HIVEP3: variants seen among roughly 807,000 people sequenced by gnomAD.
The protein encoded by HIVEP3 is HIVEP zinc finger 3.
Under a neutral mutation model 152.8 loss-of-function variants are expected in HIVEP3, and 49 were observed. The observed-to-expected ratio is 0.32, with a 90% confidence interval of 0.26 to 0.41. HIVEP3 has a LOEUF of 0.41. HIVEP3 is among the 10% of genes least tolerant of loss of function. HIVEP3 has a pLI of 1.00. For synonymous variants in HIVEP3, 1,269 were observed against 1,289.0 expected, an observed-to-expected ratio of 0.98 and a Z score of 0.33; for missense variants, 2,790 against 3,103.3, an observed-to-expected ratio of 0.90 and a Z score of 2.40.
chr1:41,987,111 A>G (rs562334731), intron 1 of HIVEP3, among the ~76,000 whole-genome samples: 15 of 152,366 alleles, frequency 9.8e-5, no homozygotes, highest in African/African-American at 3.1e-4. Flanking sequence ...CATTGTAGGT[A>G]CCAGGAATGA....
At chr1:41,672,986 C>T (rs895527156) in intron 2 of HIVEP3, among the ~76,000 whole-genome samples, 2 of 152,192 alleles carry the variant, frequency 1.3e-5, no homozygotes, top group Admixed American at 1.3e-4. Context: ...AGGAAATGTA[C>T]CGGGAATATA....
At chr1:41,733,252 AG>A (rs1646868474) in intron 1 of HIVEP3, among the ~76,000 whole-genome samples, 1 of 152,186 alleles carries the variant, frequency 6.6e-6, no homozygotes, top group East Asian at 1.9e-4. Flanking sequence ...TGAGAACACA[AG>A]CAGGGGCAGA....
At chr1:41,740,828 A>G (rs4660558) in intron 1 of HIVEP3, among the ~76,000 whole-genome samples, 59,107 of 152,124 alleles carry the variant, frequency 0.39, 11,622 homozygotes, top group East Asian at 0.47. Flanking sequence ...GTGTGACCCA[A>G]GCAACCCCCT....
At chr1:42,028,284 C>T (rs1446435015) in intron 1 of HIVEP3, among the ~76,000 whole-genome samples, 2 of 152,148 alleles carry the variant, frequency 1.3e-5, no homozygotes, top group Non-Finnish European at 1.5e-5. Flanking sequence ...ATATCACAAA[C>T]ATCTAGAATA....
intron 1 of HIVEP3, among the ~76,000 whole-genome samples, chr1:41,880,112 T>A (rs931952444): frequency 2.6e-5 from 4 of 151,978 alleles, no homozygotes; most frequent in South Asian, 2.1e-4. Context: ...CAAGCTGGAG[T>A]GTAGTGGCGT....
At chr1:41,804,086 T>C (rs1022426907) in intron 1 of HIVEP3, among the ~76,000 whole-genome samples, 8 of 152,244 alleles carry the variant, frequency 5.3e-5, no homozygotes, top group African/African-American at 1.9e-4. Flanking sequence ...GTAGAATGTA[T>C]ATGATCTCAA....
At chr1:42,021,610 T>C (rs890518763) in intron 1 of HIVEP3, among the ~76,000 whole-genome samples, 2 of 152,060 alleles carry the variant, frequency 1.3e-5, no homozygotes, top group Admixed American at 6.6e-5. Context: ...ACTGGAAATA[T>C]AAACTTAGGA....
At chr1:41,944,761 T>TC (rs1280090680) in intron 1 of HIVEP3, among the ~76,000 whole-genome samples, 2 of 152,086 alleles carry the variant, frequency 1.3e-5, no homozygotes, top group Non-Finnish European at 2.9e-5. Context: ...GGAAAAAGCA[T>TC]TAGGACCATA....
At chr1:42,004,484 G>C (rs114794459) in intron 1 of HIVEP3, among the ~76,000 whole-genome samples, 1,586 of 152,220 alleles carry the variant, frequency 0.01, 38 homozygotes, top group African/African-American at 0.037. Flanking sequence ...GTGGGCAGCT[G>C]CAACCTCTCT....
intron 1 of HIVEP3, among the ~76,000 whole-genome samples, chr1:41,975,957 G>T (rs1410014781): frequency 1.3e-5 from 2 of 152,184 alleles, no homozygotes; most frequent in Non-Finnish European, 2.9e-5. Context: ...CACCCAGCCA[G>T]CACTTCCCTA....
intron 1 of HIVEP3, among the ~76,000 whole-genome samples, chr1:41,947,725 G>A (rs1016350542): frequency 1.3e-5 from 2 of 152,214 alleles, no homozygotes; most frequent in Admixed American, 6.5e-5. Context: ...ACACAGGTCC[G>A]AGGGACGAGC....
chr1:41,956,018 C>A (rs898004291), intron 1 of HIVEP3, among the ~76,000 whole-genome samples: 1 of 152,262 alleles, frequency 6.6e-6, no homozygotes, highest in African/African-American at 2.4e-5. Context: ...AGCCGGGACT[C>A]ACTTCCAGCG....
Position 41,873,496 on chromosome 1 carries a change from CTA to C in HIVEP3, c.-801+44915_-801+44916del, listed in dbSNP as rs1292727338. On this transcript the variant is annotated intron_variant, in intron 1 of 8. Coordinates refer to ENST00000372583, the MANE Select transcript of HIVEP3 (RefSeq NM_024503.5). The surrounding 1 kb of genome is among the most constrained non-coding windows in gnomAD (Gnocchi z 4.2). ...TAATTAGTATGGAAACTACAAAAAC[CTA>C]TATGTTTACAAAACAACCACTGATC... Among the ~76,000 whole-genome samples the C allele has an allele frequency of 6.6e-6, 1 of 152,156 alleles. No homozygotes were observed. Among genetic ancestry groups the C allele is most frequent in the Non-Finnish European group, 1.5e-5 (1 of 68,026 alleles).
At chr1:41,678,233 G>A (rs1645986009) in intron 2 of HIVEP3, among the ~76,000 whole-genome samples, 1 of 152,180 alleles carries the variant, frequency 6.6e-6, no homozygotes, top group Admixed American at 6.5e-5. Context: ...TGGGCCGCTG[G>A]GACCTGGATG....
At chr1:41,597,393 TA>T (rs1310415474) in intron 3 of HIVEP3, among the ~76,000 whole-genome samples, 2 of 152,246 alleles carry the variant, frequency 1.3e-5, no homozygotes, top group African/African-American at 4.8e-5. Flanking sequence ...GTGGGCATAA[TA>T]ATTCAGAGGA....
chr1:41,649,865 G>GT (rs1645520116), intron 2 of HIVEP3, among the ~76,000 whole-genome samples: 1 of 152,154 alleles, frequency 6.6e-6, no homozygotes, highest in Non-Finnish European at 1.5e-5. Context: ...CCAAAATTCT[G>GT]TAAGACTAGA....
rs1642669393 is a variant in HIVEP3, at chr1:41,518,430, C to G, written c.5442G>C (p.Gly1814=). The G allele has an allele frequency of 6.2e-7, 1 of 1,614,206 alleles. No individual in the cohort carries two copies. Residue 1814 remains glycine (G), a synonymous_variant, in exon 7 of 9, where the codon GGG becomes GGC. Transcript: ENST00000372583. ...CTTCGGCTTCCAGCTCCTCCAGCAC[C>G]CCTGTCTCTTGGCACTTTTTGCTGT... ...KAHSKKCQET[G]VLEELEAEEG... is the part of the protein sequence containing the mutation.
At chr1:41,681,441 C>T (rs1358817790) in intron 2 of HIVEP3, among the ~76,000 whole-genome samples, 1 of 152,152 alleles carries the variant, frequency 6.6e-6, no homozygotes, top group South Asian at 2.1e-4. Context: ...TCTTGAGGGC[C>T]AGGGGTGACT....
intron 1 of HIVEP3, among the ~76,000 whole-genome samples, chr1:42,034,078 C>A (rs1394971087): frequency 6.6e-6 from 1 of 152,174 alleles, no homozygotes; most frequent in Non-Finnish European, 1.5e-5. Context: ...AAAACATAGG[C>A]TGGCAAATCA....
Sources: gnomAD v4.1 joint callset for allele counts (sites outside exome capture counted in the v4.1 genomes callset) on GRCh38, gnomAD v4.1.1 for gene constraint, Gnocchi (gnomAD v3.1) non-coding constraint, MANE v1.5 for transcripts, NCBI Gene and HGNC (gene_info 2026-07-23, HGNC 2026-07-21) for gene names.